Variants in RBPJ observed in about 807,000 individuals in gnomAD.
RBPJ encodes recombining binding protein suppressor of hairless.
In RBPJ, 9 loss-of-function variants were observed where a neutral mutation model predicts 67.8. The observed-to-expected ratio is 0.13, with a 90% confidence interval of 0.08 to 0.23. The LOEUF (loss-of-function observed/expected upper bound fraction) is 0.23. Ranked by LOEUF, RBPJ falls within the 10% of genes least tolerant of loss-of-function variation. The pLI, the probability that RBPJ is intolerant of heterozygous loss-of-function variation, is 1.00. For synonymous variants in RBPJ, 198 were observed against 203.3 expected (o/e 0.97, Z 0.22); for missense variants, 305 against 595.6 (o/e 0.51, Z 5.08).
intron 2 of RBPJ, among the ~76,000 whole-genome samples, chr4:26,393,481 C>A (rs546401100): frequency 7.9e-5 from 12 of 152,166 alleles, no homozygotes; most frequent in African/African-American, 2.6e-4. Context: ...TTCAAGCCAG[C>A]CTCCCACCTC....
chr4:26,304,276 A>G (rs1205952499), intron 1 of RBPJ, among the ~76,000 whole-genome samples: 2 of 152,172 alleles, frequency 1.3e-5, no homozygotes, highest in African/African-American at 4.8e-5. Flanking sequence ...CATTGCTTCC[A>G]CTTTGGGGCT....
intron 1 of RBPJ, among the ~76,000 whole-genome samples, chr4:26,251,082 G>T (rs560496624): frequency 6.6e-6 from 1 of 152,292 alleles, no homozygotes; most frequent in South Asian, 2.1e-4. Context: ...TCTAAAATAT[G>T]ATTGTAAGGA....
Position 26,330,450 on chromosome 4 carries a change from C to A in RBPJ, c.20+9402C>A, listed in dbSNP as rs554922343. ...ATAGGTTTTTCTACCTAGAAACCCA[C>A]GTAGAAACTGACCCCCGGATTATAT... On this transcript the variant is annotated intron_variant, in intron 1 of 10. Transcript: ENST00000355476. 2.0e-5 allele frequency among the ~76,000 whole-genome samples: 3 copies of A among 152,300 alleles called. No homozygotes were observed. The East Asian group carries it at 5.8e-4, about 29-fold the overall frequency.
intron 1 of RBPJ, among the ~76,000 whole-genome samples, chr4:26,322,686 C>T (rs955707725): frequency 1.4e-5 from 2 of 146,964 alleles, no homozygotes; most frequent in African/African-American, 5.0e-5. Flanking sequence ...CACACACACA[C>T]GTAATAGCCT....
At chr4:26,349,206 T>G (rs1311951736) in intron 1 of RBPJ, among the ~76,000 whole-genome samples, 1 of 152,164 alleles carries the variant, frequency 6.6e-6, no homozygotes, top group East Asian at 1.9e-4. Context: ...TAGCTGGCAC[T>G]ACAGGTATGA....
At position 26,198,443 on chromosome 4, in the gene RBPJ, A is replaced by C. The variant is rs77372157; in HGVS notation, c.-167+34829A>C. Among the ~76,000 whole-genome samples the C allele has an allele frequency of 6.4e-3, 975 of 152,300 alleles. 14 individuals are homozygous for C. Among genetic ancestry groups the C allele is most frequent in the African/African-American group, 0.022 (925 of 41,564 alleles). On this transcript the variant is annotated intron_variant, in intron 1 of 4. Transcript: ENST00000512351. The stretch of plus-strand genomic sequence containing the variant: ...ATGGTGCCTGGCACAAAATAGCAAT[A>C]ATAATTATAGGTAGCACTTATTTTA...
At chr4:26,320,731 A>C, upstream of RBPJ, 1 of 1,550,258 alleles carries the variant, frequency 6.5e-7, no homozygotes, top group Non-Finnish European at 8.7e-7. Flanking sequence ...GCGCGTCCTA[A>C]AACCCGGATA....
At chr4:26,250,830 A>G (rs947067136) in intron 1 of RBPJ, among the ~76,000 whole-genome samples, 2 of 152,164 alleles carry the variant, frequency 1.3e-5, no homozygotes, top group African/African-American at 4.8e-5. Context: ...TACACTGTGG[A>G]CATCTTTTCA....
chr4:26,113,436 G>T, the RBPJ span: 1 of 545,934 alleles, frequency 1.8e-6, no homozygotes, highest in South Asian at 1.8e-5. Flanking sequence ...AAAGCCTTTT[G>T]CCAGAAACCA....
chr4:26,353,812 T>C (rs1414106745), intron 1 of RBPJ, among the ~76,000 whole-genome samples: 1 of 151,782 alleles, frequency 6.6e-6, no homozygotes, highest in African/African-American at 2.4e-5. Context: ...GGTTTCACCA[T>C]GTTGGTCAGG....
chr4:26,265,398 G>A (rs1720671476), intron 1 of RBPJ, among the ~76,000 whole-genome samples: 1 of 151,850 alleles, frequency 6.6e-6, no homozygotes, highest in Non-Finnish European at 1.5e-5. Context: ...GCGTGGTAGT[G>A]GGCATCTGTA....
chr4:26,111,223 C>T, the RBPJ span, among the ~76,000 whole-genome samples: 2 of 152,058 alleles, frequency 1.3e-5, no homozygotes, highest in Non-Finnish European at 2.9e-5. Context: ...AAACTCTTCT[C>T]ATTGAGAGTC....
intron 1 of RBPJ, among the ~76,000 whole-genome samples, chr4:26,344,426 G>A (rs1429601680): frequency 6.0e-5 from 9 of 150,838 alleles, no homozygotes; most frequent in African/African-American, 1.5e-4. Context: ...TAGTAGAGAC[G>A]GGGTTTCACC....
At chr4:26,295,271 G>GTGTGTGTGTGTGT (rs1560248894) in intron 1 of RBPJ, among the ~76,000 whole-genome samples, 14 of 117,918 alleles carry the variant, frequency 1.2e-4, no homozygotes, top group African/African-American at 7.5e-4. Flanking sequence ...TGTGTGTGTG[G>GTGTGTGTGTGTGT]GTGTGTGTGT....
At chr4:26,352,549 C>T (rs766062208) in intron 1 of RBPJ, among the ~76,000 whole-genome samples, 2 of 152,174 alleles carry the variant, frequency 1.3e-5, no homozygotes, top group African/African-American at 2.4e-5. Context: ...CCTGTACTCC[C>T]AGCACTTTGG....
chr4:26,429,695 A>G (rs1736021662), intron 8 of RBPJ, among the ~76,000 whole-genome samples: 1 of 152,198 alleles, frequency 6.6e-6, no homozygotes, highest in African/African-American at 2.4e-5. Flanking sequence ...TTATAAGAAA[A>G]ACTGCTGTCT....
chr4:26,348,378 T>C (rs1396136218), intron 1 of RBPJ, among the ~76,000 whole-genome samples: 1 of 152,222 alleles, frequency 6.6e-6, no homozygotes, highest in African/African-American at 2.4e-5. Flanking sequence ...AATGAGGTGA[T>C]GGACTTGGTT....
At chr4:26,130,930 C>G in the RBPJ span, among the ~76,000 whole-genome samples, 1 of 152,230 alleles carries the variant, frequency 6.6e-6, no homozygotes, top group South Asian at 2.1e-4. Context: ...CTGTTTGAAA[C>G]TGCTAAAATT....
At chr4:26,362,184 A>G (rs983654630) in intron 1 of RBPJ, among the ~76,000 whole-genome samples, 4 of 152,196 alleles carry the variant, frequency 2.6e-5, no homozygotes, top group African/African-American at 9.6e-5. Context: ...CCAGTCTTTT[A>G]AGTAATTTTT....
Sources: allele counts gnomAD v4.1 joint callset (sites outside exome capture counted in the v4.1 genomes callset), GRCh38; gene constraint gnomAD v4.1.1; transcripts MANE v1.5; gene names NCBI Gene and HGNC (gene_info 2026-07-23, HGNC 2026-07-21).